The following NBEA variants were observed in gnomAD, a reference collection of about 807,000 sequenced individuals.
NBEA encodes the protein lysosomal-trafficking regulator 2.
A neutral mutation model predicts 343.4 loss-of-function variants in NBEA; 44 were observed. The observed-to-expected ratio is 0.13, with a 90% CI of 0.10 to 0.16. The LOEUF is 0.16. Among genes scored for constraint, NBEA ranks in the 10% least tolerant of loss-of-function variants. NBEA has a pLI of 1.00. For synonymous variants in NBEA, 1,175 were observed against 1,238.7 expected (o/e 0.95, Z 1.08); for missense variants, 2,555 against 3,631.3 (o/e 0.70, Z 7.62).
chr13:35,446,656 G>T (rs924765899), intron 39 of NBEA, among the ~76,000 whole-genome samples: 2 of 152,094 alleles, frequency 1.3e-5, no homozygotes, highest in African/African-American at 4.8e-5. Context: ...AATATGAGGT[G>T]CAAAGAGGCC....
At chr13:35,132,656 C>T (rs575944893) in intron 17 of NBEA, among the ~76,000 whole-genome samples, 2 of 152,146 alleles carry the variant, frequency 1.3e-5, no homozygotes, top group Admixed American at 1.3e-4. Context: ...GATGCAAAAA[C>T]TATATACTAT....
chr13:35,481,230 AAGAAAATTTTG>A (rs1337152419), intron 41 of NBEA, among the ~76,000 whole-genome samples: 1 of 151,964 alleles, frequency 6.6e-6, no homozygotes, highest in Non-Finnish European at 1.5e-5. Context: ...GGTTTTTGAA[AAGAAAATTTTG>A]AGATTAAAAA....
chr13:35,325,143 A>G (rs977942597), intron 36 of NBEA, among the ~76,000 whole-genome samples: 4 of 152,016 alleles, frequency 2.6e-5, no homozygotes, highest in East Asian at 1.9e-4. Flanking sequence ...AAAATTTTAC[A>G]TATTTTTCTT....
chr13:35,654,277 C>A (rs1455060317), intron 53 of NBEA, among the ~76,000 whole-genome samples: 2 of 152,176 alleles, frequency 1.3e-5, no homozygotes, highest in Non-Finnish European at 2.9e-5. Context: ...TTCCTCTCCT[C>A]CCCTGCTAGC....
chr13:35,443,880 A>G (rs1296168806), intron 39 of NBEA, among the ~76,000 whole-genome samples: 1 of 151,890 alleles, frequency 6.6e-6, no homozygotes, highest in South Asian at 2.1e-4. Flanking sequence ...TATAAAGAAG[A>G]TGATTTAATT....
intron 49 of NBEA, among the ~76,000 whole-genome samples, chr13:35,633,188 T>C (rs1325400791): frequency 2.0e-5 from 3 of 151,318 alleles, no homozygotes; most frequent in Non-Finnish European, 2.9e-5. Context: ...CTGCAAGCTC[T>C]GCCTCCCGGG....
intron 41 of NBEA, among the ~76,000 whole-genome samples, chr13:35,504,541 A>G (rs1195146681): frequency 6.6e-6 from 1 of 152,142 alleles, no homozygotes; most frequent in African/African-American, 2.4e-5. Context: ...GAGTATGTAA[A>G]GATAAAAGAT....
chr13:35,491,205 TC>T (rs1566214615), intron 41 of NBEA, among the ~76,000 whole-genome samples: 1 of 151,928 alleles, frequency 6.6e-6, no homozygotes. Context: ...GTTCTGTACT[TC>T]CCAGTGGAAG....
At chr13:35,477,602 A>G (rs1403963639) in intron 41 of NBEA, among the ~76,000 whole-genome samples, 1 of 152,208 alleles carries the variant, frequency 6.6e-6, no homozygotes, top group Admixed American at 6.5e-5. Context: ...TTCCTCACAG[A>G]TAACTATCCC....
chr13:35,438,705 GAGAA>G (rs2045575265), intron 39 of NBEA, among the ~76,000 whole-genome samples: 1 of 152,204 alleles, frequency 6.6e-6, no homozygotes, highest in Non-Finnish European at 1.5e-5. Flanking sequence ...GAAAGAGAGA[GAGAA>G]AGACATGCAG....
At chr13:35,234,959 C>A (rs2075153234) in intron 34 of NBEA, among the ~76,000 whole-genome samples, 2 of 152,068 alleles carry the variant, frequency 1.3e-5, no homozygotes, top group Non-Finnish European at 2.9e-5. Flanking sequence ...CTCTTTTCTC[C>A]TTCAACTTTA....
chr13:35,534,912 A>AAAG (rs2078457375), intron 41 of NBEA, among the ~76,000 whole-genome samples: 1 of 152,220 alleles, frequency 6.6e-6, no homozygotes, highest in Admixed American at 6.5e-5. Flanking sequence ...GAAACAAATA[A>AAAG]AAGGCAAATT....
chr13:35,551,376 A>G lies in NBEA; in HGVS notation c.6806+344A>G, dbSNP rs573490245. ...AAATGATTAATTGCTATGTAATAGCATATAAATAATGTTTTTATAAATGCC... is the reference window on the plus strand; with the variant it reads ...AAATGATTAATTGCTATGTAATAGCGTATAAATAATGTTTTTATAAATGCC... On this transcript the variant is annotated intron_variant, in intron 43 of 58. Coordinates refer to ENST00000379939, the MANE Select transcript of NBEA (RefSeq NM_001385012.1). 1.1e-4 allele frequency among the ~76,000 whole-genome samples: 16 copies of G among 152,350 alleles called. No individual in the cohort carries two copies. The Middle Eastern group carries it at 0.01, about 97-fold the overall frequency.
chr13:35,527,032 C>G (rs1317639419), intron 41 of NBEA, among the ~76,000 whole-genome samples: 1 of 152,198 alleles, frequency 6.6e-6, no homozygotes, highest in African/African-American at 2.4e-5. Flanking sequence ...CTTCCTCTCT[C>G]CTTCTCTCTT....
chr13:35,155,713 A>G (rs2069125752), intron 18 of NBEA, 61 bp from the exon 19 acceptor site: 3 of 1,288,148 alleles, frequency 2.3e-6, no homozygotes, highest in African/African-American at 2.9e-5. Context: ...TTGTATATCT[A>G]TATTTTGCAA....
chr13:35,426,927 G>T (rs149499042), intron 38 of NBEA, among the ~76,000 whole-genome samples: 2,058 of 152,198 alleles, frequency 0.014, 59 homozygotes, highest in African/African-American at 0.047. Flanking sequence ...GATCGCATCG[G>T]CTACTGAGGC....
At chr13:35,327,034 A>T (rs555273118) in intron 36 of NBEA, among the ~76,000 whole-genome samples, 1 of 152,070 alleles carries the variant, frequency 6.6e-6, no homozygotes, top group Non-Finnish European at 1.5e-5. Context: ...AAAATGTTCA[A>T]CATCACTAAT....
chr13:35,130,478 T>A (rs543403440), intron 17 of NBEA, among the ~76,000 whole-genome samples: 4 of 152,148 alleles, frequency 2.6e-5, no homozygotes, highest in African/African-American at 9.6e-5. Flanking sequence ...AAAAATTTAA[T>A]GAGGATGAAG....
chr13:35,118,488 A>G lies in NBEA; in HGVS notation c.2243+14A>G. 6.5e-7 allele frequency: 1 copy of G among 1,546,076 alleles called. No homozygotes were observed. Among genetic ancestry groups the G allele is most frequent in the Non-Finnish European group, 8.8e-7 (1 of 1,135,550 alleles). The stretch of plus-strand genomic sequence containing the variant: ...AAATGGAATAAGGTATGATTATAAT[A>G]TTAGTATTACTATTAGACTTTAATG... On this transcript the variant is annotated intron_variant, in intron 16 of 58. Transcript: ENST00000379939.
Sources: gnomAD v4.1 joint callset for allele counts (sites outside exome capture counted in the v4.1 genomes callset) on GRCh38, gnomAD v4.1.1 for gene constraint, MANE v1.5 for transcripts, NCBI Gene and HGNC (gene_info 2026-07-23, HGNC 2026-07-21) for gene names.